The following KLF8 variants were observed in gnomAD, a reference collection of about 807,000 sequenced individuals.
The protein encoded by KLF8 is KLF transcription factor 8, also known as Krueppel-like factor 8.
A neutral mutation model predicts 18.2 loss-of-function variants in KLF8; 10 were observed. The ratio of observed to expected loss-of-function variants is 0.55; its 90% CI spans 0.34 to 0.93. The LOEUF (loss-of-function observed/expected upper bound fraction) is 0.93. KLF8 is among the 40% of genes least tolerant of loss of function. The probability of loss-of-function intolerance (pLI) is 0.02; values close to 1 mark genes in which losing one functional copy is unlikely to be tolerated. For missense variants in KLF8, 264 were observed against 277.9 expected (o/e 0.95, Z 0.36); for synonymous variants, 109 against 97.3 (o/e 1.12, Z -0.71).
the KLF8 span, among the ~76,000 whole-genome samples, chrX:56,196,365 C>T: frequency 9.2e-6 from 1 of 108,556 alleles, no homozygotes; most frequent in Non-Finnish European, 1.9e-5. Flanking sequence ...CACAGAGGCT[C>T]AAAATAAAGG....
At chrX:56,186,028 T>G in the KLF8 span, among the ~76,000 whole-genome samples, 4 of 112,032 alleles carry the variant, frequency 3.6e-5, no homozygotes, top group Non-Finnish European at 3.8e-5. Context: ...CATAAAAATA[T>G]TAACTTTAAA....
the KLF8 span, among the ~76,000 whole-genome samples, chrX:56,226,109 A>C: frequency 5.4e-5 from 6 of 112,110 alleles, no homozygotes; most frequent in African/African-American, 1.9e-4. Flanking sequence ...ACCTAGGCTC[A>C]GTGGAAAAAT....
the KLF8 span, among the ~76,000 whole-genome samples, chrX:55,911,122 A>G: frequency 8.9e-6 from 1 of 112,482 alleles, no homozygotes; most frequent in Non-Finnish European, 1.9e-5. Context: ...GATAGAAAAA[A>G]GAAAACGTTT....
chrX:56,100,149 C>T, the KLF8 span, among the ~76,000 whole-genome samples: 14 of 111,052 alleles, frequency 1.3e-4, no homozygotes, highest in South Asian at 3.8e-4. Context: ...TTCACCATTC[C>T]GAGAACCCAA....
chrX:56,069,143 C>G, the KLF8 span, among the ~76,000 whole-genome samples: 1 of 111,514 alleles, frequency 9.0e-6, no homozygotes, highest in Non-Finnish European at 1.9e-5. Flanking sequence ...ATGCCACTGA[C>G]AGCCAAGTGG....
At chrX:56,228,895 A>C (rs949879464), upstream of KLF8, among the ~76,000 whole-genome samples, 1 of 111,756 alleles carries the variant, frequency 8.9e-6, no homozygotes, top group Non-Finnish European at 1.9e-5. Context: ...CACAAACAAC[A>C]GTGATTTAAT....
At chrX:56,192,743 A>G in the KLF8 span, among the ~76,000 whole-genome samples, 2 of 112,663 alleles carry the variant, frequency 1.8e-5, no homozygotes, top group East Asian at 5.5e-4. Context: ...TGGTGCTGGG[A>G]AAACTGGATA....
At chrX:56,223,935 CT>C in the KLF8 span, among the ~76,000 whole-genome samples, 35 of 109,290 alleles carry the variant, frequency 3.2e-4, no homozygotes, top group African/African-American at 1.1e-3. Flanking sequence ...ATTTTTTTGT[CT>C]TTTTTTTTCT....
the KLF8 span, among the ~76,000 whole-genome samples, chrX:56,169,998 A>G: frequency 9.0e-6 from 1 of 111,222 alleles, no homozygotes; most frequent in South Asian, 3.8e-4. Flanking sequence ...ACAAAGAGAG[A>G]GACTTTGCTT....
At chrX:55,938,561 T>C in the KLF8 span, among the ~76,000 whole-genome samples, 4 of 111,301 alleles carry the variant, frequency 3.6e-5, no homozygotes, top group African/African-American at 1.3e-4. Context: ...AATGCTCCAA[T>C]TAAAAGACAC....
At chrX:56,048,979 T>C in the KLF8 span, among the ~76,000 whole-genome samples, 1 of 111,837 alleles carries the variant, frequency 8.9e-6, no homozygotes, top group African/African-American at 3.2e-5. Flanking sequence ...GAAGAGTTCC[T>C]TCACATCCCT....
chrX:55,920,259 A>C, the KLF8 span, among the ~76,000 whole-genome samples: 2 of 111,438 alleles, frequency 1.8e-5, no homozygotes, highest in African/African-American at 6.5e-5. Flanking sequence ...GGGACAAAAT[A>C]ATCTGATCAA....
At chrX:56,222,027 A>C in the KLF8 span, among the ~76,000 whole-genome samples, 1 of 109,478 alleles carries the variant, frequency 9.1e-6, no homozygotes, top group East Asian at 2.9e-4. Context: ...AAAGTTCTCC[A>C]CCTCCCCACT....
At chrX:56,092,613 C>A in the KLF8 span, among the ~76,000 whole-genome samples, 1 of 111,055 alleles carries the variant, frequency 9.0e-6, no homozygotes, top group Non-Finnish European at 1.9e-5. Context: ...TGTTGGTTCT[C>A]TATTCTGTTC....
At chrX:55,940,067 C>G in the KLF8 span, among the ~76,000 whole-genome samples, 2 of 111,220 alleles carry the variant, frequency 1.8e-5, no homozygotes, top group Middle Eastern at 9.2e-3. Flanking sequence ...GGCAGAGACA[C>G]AACAAAAAAA....
At chrX:56,061,986 C>CTTTTTTTTT in the KLF8 span, among the ~76,000 whole-genome samples, 25 of 57,113 alleles carry the variant, frequency 4.4e-4, 3 homozygotes, top group African/African-American at 3.3e-3. Flanking sequence ...GCAACCCCTG[C>CTTTTTTTTT]TTTTTTTTTT....
the KLF8 span, among the ~76,000 whole-genome samples, chrX:56,054,723 G>T: frequency 1.8e-5 from 2 of 111,465 alleles, no homozygotes; most frequent in African/African-American, 6.5e-5. Flanking sequence ...GTGAGTCTAC[G>T]TCTCTTTGAA....
the KLF8 span, among the ~76,000 whole-genome samples, chrX:55,976,064 A>G: frequency 8.9e-6 from 1 of 111,889 alleles, no homozygotes; most frequent in East Asian, 2.8e-4. Context: ...AGCTGAGATC[A>G]CGCCATTGCA....
the KLF8 span, among the ~76,000 whole-genome samples, chrX:55,996,145 G>C: frequency 9.0e-6 from 1 of 111,368 alleles, no homozygotes; most frequent in Non-Finnish European, 1.9e-5. Flanking sequence ...TTCTCAGCTT[G>C]GTCTATTCTG....
Sources: allele counts gnomAD v4.1 joint callset (sites outside exome capture counted in the v4.1 genomes callset), GRCh38; gene constraint gnomAD v4.1.1; transcripts MANE v1.5; gene names NCBI Gene and HGNC (gene_info 2026-07-23, HGNC 2026-07-21).